RTN3: variants seen among roughly 807,000 people sequenced by gnomAD.
RTN3 encodes reticulon-3.
RTN3 carries 49 observed loss-of-function variants against 77.8 expected under a neutral mutation model. The observed-to-expected ratio is 0.63, with a 90% CI of 0.50 to 0.80. RTN3 has a LOEUF of 0.80. RTN3 is among the 30% of genes least tolerant of loss of function. RTN3 has a pLI of 0.00. For missense variants in RTN3, 1,236 were observed against 1,211.9 expected, an observed-to-expected ratio of 1.02 and a Z score of -0.29; for synonymous variants, 464 against 446.9, an observed-to-expected ratio of 1.04 and a Z score of -0.48.
At chr11:63,745,127 A>G (rs1329898198) in intron 3 of RTN3, among the ~76,000 whole-genome samples, 4 of 152,178 alleles carry the variant, frequency 2.6e-5, no homozygotes, top group Admixed American at 1.3e-4. Flanking sequence ...CTTTTTCTTC[A>G]TATTTTTCAT....
At chr11:63,734,217 G>T (rs1233274387) in intron 3 of RTN3, among the ~76,000 whole-genome samples, 3 of 152,166 alleles carry the variant, frequency 2.0e-5, no homozygotes, top group Non-Finnish European at 4.4e-5. Flanking sequence ...GGAGGCCGAG[G>T]TGGGCAGTTC....
intron 2 of RTN3, among the ~76,000 whole-genome samples, chr11:63,711,844 G>A (rs967149509): frequency 1.1e-4 from 17 of 152,058 alleles, no homozygotes; most frequent in African/African-American, 4.1e-4. Context: ...GATTACAGGC[G>A]TGAGCCACCG....
At chr11:63,728,886 CAAA>C (rs577443067) in intron 3 of RTN3, among the ~76,000 whole-genome samples, 3 of 78,662 alleles carry the variant, frequency 3.8e-5, no homozygotes, top group African/African-American at 4.4e-5. Context: ...GACTCCGTCT[CAAA>C]AAAAAAAAAA....
intron 3 of RTN3, among the ~76,000 whole-genome samples, chr11:63,731,079 T>A (rs539862344): frequency 1.4e-4 from 22 of 152,174 alleles, no homozygotes; most frequent in African/African-American, 4.8e-4. Context: ...CAAAGGATTT[T>A]TTTTTTTATT....
chr11:63,699,161 T>A (rs888453238), intron 1 of RTN3, among the ~76,000 whole-genome samples: 1 of 152,020 alleles, frequency 6.6e-6, no homozygotes, highest in African/African-American at 2.4e-5. Flanking sequence ...ATTAGCCGTG[T>A]GTGGTAGCAT....
intron 1 of RTN3, among the ~76,000 whole-genome samples, chr11:63,689,659 T>C (rs183480708): frequency 3.3e-5 from 5 of 152,196 alleles, no homozygotes; most frequent in Non-Finnish European, 5.9e-5. Flanking sequence ...ACTGATTTAT[T>C]ATCTCCTATA....
At chr11:63,746,251 A>C (rs930631488) in intron 3 of RTN3, among the ~76,000 whole-genome samples, 1 of 152,136 alleles carries the variant, frequency 6.6e-6, no homozygotes, top group Non-Finnish European at 1.5e-5. Context: ...AAATATTTTG[A>C]ATGTATAGAA....
At chr11:63,694,920 A>T (rs1417740183) in intron 1 of RTN3, among the ~76,000 whole-genome samples, 1 of 152,252 alleles carries the variant, frequency 6.6e-6, no homozygotes, top group Non-Finnish European at 1.5e-5. Context: ...GTGATGTAAC[A>T]GAAGAGTGGG....
chr11:63,729,750 A>C (rs2012558595), intron 3 of RTN3, among the ~76,000 whole-genome samples: 1 of 150,862 alleles, frequency 6.6e-6, no homozygotes, highest in Non-Finnish European at 1.5e-5. Flanking sequence ...ATGAGCCACT[A>C]TGCCCAGCCT....
intron 1 of RTN3, among the ~76,000 whole-genome samples, chr11:63,692,437 C>T (rs1470713707): frequency 1.3e-5 from 2 of 152,116 alleles, no homozygotes; most frequent in Admixed American, 1.3e-4. Flanking sequence ...GTCCCCACCC[C>T]TGCAACCCGG....
chr11:63,752,470 A>G (rs375458897), intron 4 of RTN3, 37 bp from the exon 5 acceptor site: 12 of 1,596,818 alleles, frequency 7.5e-6, no homozygotes, highest in African/African-American at 5.4e-5. Context: ...ATCTTCTTCC[A>G]TGTCAAATGT....
intron 1 of RTN3, among the ~76,000 whole-genome samples, chr11:63,699,009 C>T (rs982525303): frequency 6.6e-6 from 1 of 152,114 alleles, no homozygotes; most frequent in African/African-American, 2.4e-5. Flanking sequence ...GATTCCTGGC[C>T]GGGCACAGTG....
At chr11:63,714,299 A>G (rs1354664367) in intron 2 of RTN3, 1 of 335,118 alleles carries the variant, frequency 3.0e-6, no homozygotes, top group Non-Finnish European at 5.9e-6. Flanking sequence ...GATAGTAATG[A>G]TTAGCGCCTG....
At chr11:63,696,233 C>G (rs182076423) in intron 1 of RTN3, among the ~76,000 whole-genome samples, 134 of 150,964 alleles carry the variant, frequency 8.9e-4, no homozygotes, top group African/African-American at 3.0e-3. Context: ...CCCGTCTCTA[C>G]TAAAAATAGA....
intron 3 of RTN3, among the ~76,000 whole-genome samples, chr11:63,740,072 A>G (rs2135006446): frequency 6.6e-6 from 1 of 152,238 alleles, no homozygotes; most frequent in Non-Finnish European, 1.5e-5. Context: ...TAACTCCCAA[A>G]TCTATACTCT....
In RTN3 at chr11:63,742,646, A is replaced by G. The variant is rs576038679; in HGVS notation, c.2531-7345A>G. On this transcript the variant is annotated intron_variant, in intron 3 of 8. Transcript: ENST00000377819. Reference sequence around the variant, plus strand: ...GGCAACAAGAACAAAACTCCATCACACACAAAAAAAAGAAAGGATTGTGAT... The same window carrying G: ...GGCAACAAGAACAAAACTCCATCACGCACAAAAAAAAGAAAGGATTGTGAT... Among the ~76,000 whole-genome samples the G allele has an allele frequency of 1.1e-3, 165 of 152,212 alleles. No homozygotes were observed. The East Asian group carries it at 0.013, about 12-fold the overall frequency.
intron 3 of RTN3, among the ~76,000 whole-genome samples, chr11:63,725,705 G>C (rs1482248462): frequency 6.6e-6 from 1 of 152,138 alleles, no homozygotes; most frequent in Non-Finnish European, 1.5e-5. Flanking sequence ...GCCCGCCTCG[G>C]CCTCCCAAAG....
intron 1 of RTN3, among the ~76,000 whole-genome samples, chr11:63,684,911 C>T (rs1941284868): frequency 6.6e-6 from 1 of 151,424 alleles, no homozygotes. Context: ...AGACATGCAC[C>T]ACCACGCCCA....
intron 3 of RTN3, among the ~76,000 whole-genome samples, chr11:63,735,675 A>G (rs1033756885): frequency 6.7e-6 from 1 of 150,070 alleles, no homozygotes; most frequent in Non-Finnish European, 1.5e-5. Flanking sequence ...GATTGCAGGC[A>G]TATGCCACCA....
Sources: gnomAD v4.1 joint callset for allele counts (sites outside exome capture counted in the v4.1 genomes callset) on GRCh38, gnomAD v4.1.1 for gene constraint, MANE v1.5 for transcripts, NCBI Gene and HGNC (gene_info 2026-07-23, HGNC 2026-07-21) for gene names.